TSPAN5: variants seen among roughly 807,000 people sequenced by gnomAD.
The protein encoded by TSPAN5 is tetraspanin 5, also known as tetraspanin-5.
In TSPAN5, 10 loss-of-function variants were observed where a neutral mutation model predicts 37.1. That is an observed-to-expected ratio of 0.27 (90% CI 0.17 to 0.46). The LOEUF (loss-of-function observed/expected upper bound fraction) is 0.46. TSPAN5 is among the 20% of genes least tolerant of loss of function. The pLI, the probability that TSPAN5 is intolerant of heterozygous loss-of-function variation, is 1.00. For missense variants in TSPAN5, 195 were observed against 326.6 expected, an observed-to-expected ratio of 0.60 and a Z score of 3.11; for synonymous variants, 110 against 118.9, an observed-to-expected ratio of 0.93 and a Z score of 0.48.
intron 4 of TSPAN5, among the ~76,000 whole-genome samples, chr4:98,479,020 G>A (rs1410159252): frequency 6.6e-6 from 1 of 152,194 alleles, no homozygotes. Context: ...GTTGGCACGT[G>A]ATTTAAACAA....
chr4:98,635,240 C>A (rs1756828964), intron 1 of TSPAN5, among the ~76,000 whole-genome samples: 1 of 152,166 alleles, frequency 6.6e-6, no homozygotes, highest in Non-Finnish European at 1.5e-5. Context: ...AGAAGCCAGG[C>A]CCTGGCAAAG....
chr4:98,560,511 G>A (rs1278040762), intron 1 of TSPAN5, among the ~76,000 whole-genome samples: 1 of 152,176 alleles, frequency 6.6e-6, no homozygotes, highest in Non-Finnish European at 1.5e-5. Flanking sequence ...GGGAGGCAGG[G>A]GGCGTGTTTT....
chr4:98,486,783 T>G lies in TSPAN5; in HGVS notation c.234A>C (p.Ala78=). 6.2e-7 allele frequency: 1 copy of G among 1,613,996 alleles called. No homozygotes were observed. Among genetic ancestry groups the G allele is most frequent in the Non-Finnish European group, 8.5e-7 (1 of 1,180,002 alleles). The change falls in exon 3 of 8, where the codon GCA becomes GCC. Residue 78 remains alanine, a synonymous_variant. Coordinates refer to ENST00000305798, the MANE Select transcript of TSPAN5 (RefSeq NM_005723.4). Reference sequence around the variant, plus strand: ...TTTCCCGTAGCGCTCCAATGCACCCTGCAAATCCCAAAATGAACATCACTC... The same window carrying G: ...TTTCCCGTAGCGCTCCAATGCACCCGGCAAATCCCAAAATGAACATCACTC... ...VGGVMFILGF[A]GCIGALRENT...
At chr4:98,602,386 G>A (rs754930339) in intron 1 of TSPAN5, among the ~76,000 whole-genome samples, 7 of 152,186 alleles carry the variant, frequency 4.6e-5, no homozygotes, top group Non-Finnish European at 8.8e-5. Flanking sequence ...TGTCTGATAC[G>A]ATCACTATTG....
chr4:98,539,415 A>G (rs896235506), intron 1 of TSPAN5, among the ~76,000 whole-genome samples: 24 of 152,074 alleles, frequency 1.6e-4, no homozygotes, highest in African/African-American at 5.8e-4. Context: ...GCGCATCCAC[A>G]TGCTTCTATC....
chr4:98,497,851 C>G (rs1378851943), intron 2 of TSPAN5, among the ~76,000 whole-genome samples: 1 of 152,082 alleles, frequency 6.6e-6, no homozygotes, highest in Non-Finnish European at 1.5e-5. Flanking sequence ...AAGGTCCCAT[C>G]AGTAAGAGTG....
intron 1 of TSPAN5, among the ~76,000 whole-genome samples, chr4:98,648,237 AC>A (rs1359180032): frequency 6.6e-6 from 1 of 152,222 alleles, no homozygotes; most frequent in African/African-American, 2.4e-5. Flanking sequence ...GCAGACCTTG[AC>A]GCAGAAAGCA....
chr4:98,513,554 G>A (rs1198746596), intron 1 of TSPAN5, among the ~76,000 whole-genome samples: 2 of 152,144 alleles, frequency 1.3e-5, no homozygotes, highest in African/African-American at 4.8e-5. Context: ...GTGGGGGTGG[G>A]AGGAAGGGGA....
At chr4:98,487,445 T>G (rs952108003) in intron 2 of TSPAN5, among the ~76,000 whole-genome samples, 2 of 152,156 alleles carry the variant, frequency 1.3e-5, no homozygotes, top group African/African-American at 4.8e-5. Context: ...TAAGACCCAA[T>G]TCACGCAGAA....
intron 1 of TSPAN5, among the ~76,000 whole-genome samples, chr4:98,650,588 T>C (rs116417252): frequency 2.0e-3 from 308 of 152,296 alleles, no homozygotes; most frequent in African/African-American, 7.0e-3. Context: ...GAATTTAAGG[T>C]ATGACTGTAA....
At chr4:98,487,153 G>T (rs1340225484) in intron 2 of TSPAN5, among the ~76,000 whole-genome samples, 37 of 150,904 alleles carry the variant, frequency 2.5e-4, no homozygotes, top group Non-Finnish European at 4.6e-4. Flanking sequence ...AGGGAGGGAG[G>T]GGGGGATGGA....
intron 1 of TSPAN5, among the ~76,000 whole-genome samples, chr4:98,558,214 T>C (rs1754794852): frequency 6.6e-6 from 1 of 152,206 alleles, no homozygotes; most frequent in Non-Finnish European, 1.5e-5. Context: ...TTTTATTAAA[T>C]GTATGTTCGA....
intron 1 of TSPAN5, among the ~76,000 whole-genome samples, chr4:98,638,659 C>T: frequency 6.6e-6 from 1 of 152,214 alleles, no homozygotes; most frequent in Non-Finnish European, 1.5e-5. Flanking sequence ...CACCACCCTA[C>T]AGGAACCTCC....
At chr4:98,522,347 T>A (rs748187034) in intron 1 of TSPAN5, among the ~76,000 whole-genome samples, 1 of 152,190 alleles carries the variant, frequency 6.6e-6, no homozygotes, top group Non-Finnish European at 1.5e-5. Flanking sequence ...GGAAGTGAAT[T>A]TTCTCCTGGT....
chr4:98,621,589 C>T (rs531893933), intron 1 of TSPAN5, among the ~76,000 whole-genome samples: 81 of 152,030 alleles, frequency 5.3e-4, no homozygotes, highest in Non-Finnish European at 8.2e-4. Context: ...AGGATGCTCT[C>T]GATCTCCTGA....
chr4:98,532,183 T>C (rs2110129996), intron 1 of TSPAN5, among the ~76,000 whole-genome samples: 1 of 152,368 alleles, frequency 6.6e-6, no homozygotes, highest in Non-Finnish European at 1.5e-5. Flanking sequence ...AGGATTTTTA[T>C]GGTTCCATAT....
intron 1 of TSPAN5, among the ~76,000 whole-genome samples, chr4:98,646,872 A>G (rs1454673158): frequency 4.5e-4 from 68 of 152,222 alleles, no homozygotes; most frequent in Non-Finnish European, 2.9e-5. Flanking sequence ...TGACTATTCC[A>G]AGCAGTTTAC....
chr4:98,542,496 G>A (rs957354584), intron 1 of TSPAN5, among the ~76,000 whole-genome samples: 2 of 151,886 alleles, frequency 1.3e-5, no homozygotes, highest in Admixed American at 1.3e-4. Flanking sequence ...TGGCAGGATC[G>A]CTTAAGGCCA....
chr4:98,603,542 T>C (rs896900936), intron 1 of TSPAN5, among the ~76,000 whole-genome samples: 1 of 152,186 alleles, frequency 6.6e-6, no homozygotes, highest in Non-Finnish European at 1.5e-5. Context: ...GATACACCAA[T>C]GCCACTGTGG....
Sources: gnomAD v4.1 joint callset for allele counts (sites outside exome capture counted in the v4.1 genomes callset) on GRCh38, gnomAD v4.1.1 for gene constraint, MANE v1.5 for transcripts, NCBI Gene and HGNC (gene_info 2026-07-23, HGNC 2026-07-21) for gene names.